Variants in MYO7B observed in about 807,000 individuals in gnomAD.
The protein encoded by MYO7B is unconventional myosin-VIIb.
MYO7B carries 212 observed loss-of-function variants against 259.7 expected under a neutral mutation model. The ratio of observed to expected loss-of-function variants is 0.82; its 90% CI spans 0.73 to 0.91. The LOEUF is 0.91. Among genes scored for constraint, MYO7B ranks in the 40% least tolerant of loss-of-function variants. MYO7B has a pLI of 0.00. For synonymous variants in MYO7B, 1,197 were observed against 1,166.4 expected (o/e 1.03, Z -0.54); for missense variants, 2,732 against 2,813.5 (o/e 0.97, Z 0.66).
chr2:127,635,959 C>T, intron 44 of MYO7B, 52 bp downstream of exon 44: 1 of 1,529,936 alleles, frequency 6.5e-7, no homozygotes, highest in Admixed American at 2.0e-5. Flanking sequence ...CTCCCTGGGC[C>T]CCTGCACCAG....
At chr2:127,583,084 C>T (rs140303893) in intron 12 of MYO7B, among the ~76,000 whole-genome samples, 2 of 152,222 alleles carry the variant, frequency 1.3e-5, no homozygotes, top group Non-Finnish European at 2.9e-5. Context: ...ACGACTGGTA[C>T]AAGCAGGCTG....
In MYO7B at chr2:127,608,871, A is replaced by G. The variant is rs2105030226; in HGVS notation, c.2807A>G (p.His936Arg). 1 of 1,611,414 alleles carries G rather than the reference A, an allele frequency of 6.2e-7. No individual in the cohort carries two copies. Residue 936 changes from histidine to arginine, a missense_variant, in exon 22 of 48, where the codon CAC becomes CGC. Coordinates refer to ENST00000409816, the MANE Select transcript of MYO7B (RefSeq NM_001393586.1). ...IGGQEGQASP[H>R]FEDLESKTQK... ...GGCCAGGAGGGCCAGGCCTCGCCGC[A>G]CTTTGAGGTAACACAAGCCTGGTGT...
At chr2:127,603,624 A>C (rs937155648) in intron 19 of MYO7B, among the ~76,000 whole-genome samples, 1 of 152,244 alleles carries the variant, frequency 6.6e-6, no homozygotes, top group Non-Finnish European at 1.5e-5. Flanking sequence ...TTACAGGCAG[A>C]GTAGCTTTAA....
At chr2:127,578,391 A>G (rs1386977292) in intron 9 of MYO7B, 105 bp downstream of exon 9, 8 of 1,400,988 alleles carry the variant, frequency 5.7e-6, no homozygotes, top group Middle Eastern at 1.9e-4. Context: ...CCTGTGGTCC[A>G]ACCCAGGCCT....
chr2:127,542,065 C>A (rs1288129406), intron 1 of MYO7B, among the ~76,000 whole-genome samples: 1 of 152,246 alleles, frequency 6.6e-6, no homozygotes. Flanking sequence ...GGAGGGAGCC[C>A]TCATGGTGAT....
chr2:127,559,805 C>T lies in MYO7B; in HGVS notation c.18+65C>T. ...AGTTACTCAAGGCCAAGTTGAATCG[C>T]TCCCAAGGAAAGAGAGGAAAGGCAA... On this transcript the variant is annotated intron_variant, in intron 2 of 47. Transcript: ENST00000409816. This position sits in a 1 kb window ranked among gnomAD's most constrained non-coding sequence, Gnocchi z 4.1. 1.3e-6 allele frequency: 2 copies of T among 1,575,928 alleles called. No individual in the cohort carries two copies. The highest frequency in any genetic ancestry group is 1.7e-6 in the Non-Finnish European group (2 of 1,145,464).
chr2:127,588,291 T>G (rs779590481), intron 14 of MYO7B, 101 bp from the exon 15 acceptor site: 5 of 1,351,044 alleles, frequency 3.7e-6, no homozygotes, highest in Admixed American at 2.1e-5. Flanking sequence ...AGGAGGGGGC[T>G]CCTCCACGCA....
intron 1 of MYO7B, among the ~76,000 whole-genome samples, chr2:127,545,353 G>A (rs748772569): frequency 6.6e-6 from 1 of 152,174 alleles, no homozygotes; most frequent in Non-Finnish European, 1.5e-5. Context: ...ACACAGCAGC[G>A]GGCCTCCTGG....
intron 1 of MYO7B, among the ~76,000 whole-genome samples, chr2:127,556,936 A>T (rs1677852711): frequency 6.6e-6 from 1 of 152,174 alleles, no homozygotes; most frequent in Non-Finnish European, 1.5e-5. Context: ...GATCTCTAGC[A>T]AGGCCAGGAA....
chr2:127,583,791 A>G (rs1385924370), intron 12 of MYO7B, among the ~76,000 whole-genome samples: 1 of 152,170 alleles, frequency 6.6e-6, no homozygotes, highest in African/African-American at 2.4e-5. Flanking sequence ...CTCAGACCAC[A>G]AGAATTGTTT....
chr2:127,581,975 G>T lies in MYO7B; in HGVS notation c.1165G>T (p.Ala389Ser). 6.2e-7 allele frequency: 1 copy of T among 1,613,922 alleles called. No individual in the cohort carries two copies. The highest frequency in any genetic ancestry group is 8.5e-7 in the Non-Finnish European group (1 of 1,179,872). ...GEFVTRSLNI[A>S]QAADRRDAFV... ...ATTTGTCACCAGGTCCCTGAACATT[G>T]CCCAGGCTGCTGACCGGAGGGACGC... is the stretch of plus-strand genomic sequence containing the variant. The change falls in exon 11 of 48, where the codon GCC (alanine) becomes TCC (serine). Residue 389 changes from alanine (A) to serine (S), a missense_variant. Physicochemically the swap from Ala to Ser is moderately conservative, Grantham distance 99. Transcript: ENST00000409816.
At chr2:127,631,956 C>T (rs894866079) in intron 38 of MYO7B, among the ~76,000 whole-genome samples, 10 of 152,240 alleles carry the variant, frequency 6.6e-5, no homozygotes, top group Admixed American at 6.5e-4. Flanking sequence ...GAGGATGGCC[C>T]TGCCCACTCC....
At chr2:127,626,420 T>C (rs777595916) in intron 31 of MYO7B, 4 of 154,994 alleles carry the variant, frequency 2.6e-5, no homozygotes, top group African/African-American at 4.8e-5. Flanking sequence ...CTACAGATGC[T>C]AATGAGGGGA....
At chr2:127,553,629 T>C (rs1693534308) in intron 1 of MYO7B, among the ~76,000 whole-genome samples, 1 of 152,238 alleles carries the variant, frequency 6.6e-6, no homozygotes, top group African/African-American at 2.4e-5. Context: ...ATTTGTTGAA[T>C]TCATTTATCA....
intron 5 of MYO7B, among the ~76,000 whole-genome samples, chr2:127,567,465 C>G (rs1678401905): frequency 6.6e-6 from 1 of 152,202 alleles, no homozygotes; most frequent in Admixed American, 6.5e-5. Flanking sequence ...CTGGCCTGGC[C>G]TCTCTACCAG....
chr2:127,542,881 G>A (rs1179382333), intron 1 of MYO7B, among the ~76,000 whole-genome samples: 1 of 152,212 alleles, frequency 6.6e-6, no homozygotes, highest in East Asian at 1.9e-4. Context: ...TTTAAGAAAA[G>A]GTGCTGTGCT....
rs370567228 is a variant in MYO7B at position 127,617,275 on chromosome 2, C to G, written c.3399-3065C>G. 2.1e-3 allele frequency among the ~76,000 whole-genome samples: 320 copies of G among 152,260 alleles called. 4 individuals carry two copies. Among genetic ancestry groups the G allele is most frequent in the African/African-American group, 6.9e-3 (288 of 41,542 alleles). On this transcript the variant is annotated intron_variant, in intron 26 of 47. Coordinates refer to ENST00000409816, the MANE Select transcript of MYO7B (RefSeq NM_001393586.1). ...TCCTTCCTCTCCCGTTCACCACTTT[C>G]GATAGGTGCTGTAGGTGGGGCAAAA...
chr2:127,588,575 C>T lies in MYO7B; in HGVS notation c.1854+20C>T. 2 of 1,612,290 alleles carry T rather than the reference C, an allele frequency of 1.2e-6. No homozygotes were observed. The highest frequency in any genetic ancestry group is 1.7e-6 in the Non-Finnish European group (2 of 1,179,584). On this transcript the variant is annotated intron_variant, in intron 15 of 47. Transcript: ENST00000409816. ...TTCAAGGTGGGCTCCCAGGCACCCT[C>T]CTGGGTCTGTCACCCCTGATGGCTA...
chr2:127,618,933 A>T (rs992768837), intron 26 of MYO7B, among the ~76,000 whole-genome samples: 1 of 152,180 alleles, frequency 6.6e-6, no homozygotes, highest in Admixed American at 6.5e-5. Flanking sequence ...AGAGGAGGGG[A>T]CAGAGGAAAC....
Sources: gnomAD v4.1 joint callset for allele counts (sites outside exome capture counted in the v4.1 genomes callset) on GRCh38, gnomAD v4.1.1 for gene constraint, Gnocchi (gnomAD v3.1) non-coding constraint, MANE v1.5 for transcripts, NCBI Gene and HGNC (gene_info 2026-07-23, HGNC 2026-07-21) for gene names.